CAST: variants seen among roughly 807,000 people sequenced by gnomAD.
CAST encodes the protein calpastatin.
In CAST, 76 loss-of-function variants were observed where a neutral mutation model predicts 119.6. The ratio of observed to expected loss-of-function variants is 0.64; its 90% CI spans 0.53 to 0.77. The LOEUF is 0.77. CAST is among the 30% of genes least tolerant of loss of function. The pLI, the probability that CAST is intolerant of heterozygous loss-of-function variation, is 0.00. For missense variants in CAST, 953 were observed against 946.5 expected (o/e 1.01, Z -0.09); for synonymous variants, 319 against 331.6 (o/e 0.96, Z 0.41).
chr5:96,766,289 C>T lies in CAST; in HGVS notation c.2130+144C>T, dbSNP rs73138691. ...ACTGCTTCTAATGTGTCACCAAAGCCGACCAGCAGGTAAATATTTATTTGA... is the reference window on the plus strand; with the variant it reads ...ACTGCTTCTAATGTGTCACCAAAGCTGACCAGCAGGTAAATATTTATTTGA... On this transcript the variant is annotated intron_variant, in intron 27 of 31. Transcript: ENST00000675179. The T allele has an allele frequency of 3.8e-3, 2,132 of 555,032 alleles. 24 individuals carry two copies. The highest frequency in any genetic ancestry group is 0.036 in the African/African-American group (1,884 of 52,246). The allele number at this position is 555,032 out of a possible 1,614,324, so 34.4% of individuals were successfully genotyped here.
chr5:96,196,461 G>A, the CAST span, among the ~76,000 whole-genome samples: 1 of 152,168 alleles, frequency 6.6e-6, no homozygotes, highest in South Asian at 2.1e-4. Flanking sequence ...TCTAATAAGG[G>A]GAAAATGATA....
the CAST span, among the ~76,000 whole-genome samples, chr5:96,125,006 A>C: frequency 2.0e-5 from 3 of 152,142 alleles, no homozygotes; most frequent in Non-Finnish European, 4.4e-5. Context: ...AATTTTTAAA[A>C]GAGTAGCCCG....
At chr5:96,530,241 TG>T (rs1232547945) in intron 1 of CAST, among the ~76,000 whole-genome samples, 2 of 151,720 alleles carry the variant, frequency 1.3e-5, no homozygotes, top group Non-Finnish European at 2.9e-5. Flanking sequence ...GGAGGAGGCT[TG>T]TAAATGGAGA....
chr5:96,282,112 G>A, the CAST span, among the ~76,000 whole-genome samples: 1 of 146,560 alleles, frequency 6.8e-6, no homozygotes, highest in African/African-American at 2.5e-5. Flanking sequence ...GAGCCGGAAA[G>A]GTAACATACG....
chr5:96,413,309 G>C, the CAST span, among the ~76,000 whole-genome samples: 1 of 152,184 alleles, frequency 6.6e-6, no homozygotes, highest in Non-Finnish European at 1.5e-5. Flanking sequence ...TCAGACTTAT[G>C]AATTCAAGAG....
chr5:96,569,900 G>A (rs1452934365), intron 1 of CAST, among the ~76,000 whole-genome samples: 1 of 152,168 alleles, frequency 6.6e-6, no homozygotes, highest in African/African-American at 2.4e-5. Context: ...GATTCGGCAG[G>A]GGTTTAACAT....
Position 96,729,171 on chromosome 5 carries a change from A to G in CAST, c.397A>G (p.Lys133Glu). ...QSTKLSVVHE[K>E]KSQEGKPKEH... ...TTGACAGCTGTCTGTGGTTCATGAGAAAAAATCCCAAGAAGGAAAGCCAAA... is the reference window on the plus strand; with the variant it reads ...TTGACAGCTGTCTGTGGTTCATGAGGAAAAATCCCAAGAAGGAAAGCCAAA... The change falls in exon 7 of 32, where the codon AAA becomes GAA. Residue 133 changes from lysine (K) to glutamate (E), a missense_variant. Lys to Glu is a moderately conservative substitution (Grantham distance 56). Transcript: ENST00000675179. 6.2e-7 allele frequency: 1 copy of G among 1,601,910 alleles called. No individual in the cohort carries two copies. Among genetic ancestry groups the G allele is most frequent in the Non-Finnish European group, 8.5e-7 (1 of 1,169,762 alleles).
intron 1 of CAST, among the ~76,000 whole-genome samples, chr5:96,627,696 T>C (rs556019591): frequency 4.6e-5 from 7 of 152,186 alleles, no homozygotes; most frequent in Non-Finnish European, 1.0e-4. Flanking sequence ...ATAAATGTCT[T>C]TACACTCTCC....
At chr5:96,231,721 ATTGT>A in the CAST span, among the ~76,000 whole-genome samples, 2 of 152,250 alleles carry the variant, frequency 1.3e-5, no homozygotes, top group African/African-American at 2.4e-5. Context: ...GTAATACTTT[ATTGT>A]TTATTATCTT....
At chr5:96,446,125 C>T in the CAST span, among the ~76,000 whole-genome samples, 5 of 148,912 alleles carry the variant, frequency 3.4e-5, no homozygotes, top group African/African-American at 1.3e-4. Flanking sequence ...CTTTAAAGTG[C>T]TGCGATTACA....
At chr5:96,222,110 A>G in the CAST span, among the ~76,000 whole-genome samples, 4 of 152,200 alleles carry the variant, frequency 2.6e-5, no homozygotes, top group Non-Finnish European at 5.9e-5. Context: ...GAATCAACCC[A>G]AGATGGATTA....
the CAST span, among the ~76,000 whole-genome samples, chr5:96,141,571 C>A: frequency 2.6e-5 from 4 of 152,210 alleles, no homozygotes; most frequent in Non-Finnish European, 5.9e-5. Flanking sequence ...AACGCGGACA[C>A]CCACACCATG....
chr5:96,020,408 C>T, the CAST span, among the ~76,000 whole-genome samples: 1 of 152,162 alleles, frequency 6.6e-6, no homozygotes, highest in African/African-American at 2.4e-5. Flanking sequence ...AACCCCCGGG[C>T]CACAGACACC....
chr5:96,538,014 C>G (rs1407473614), intron 1 of CAST, among the ~76,000 whole-genome samples: 1 of 152,184 alleles, frequency 6.6e-6, no homozygotes, highest in African/African-American at 2.4e-5. Context: ...CTCCACCTCT[C>G]TAGTAGGCAG....
chr5:96,763,185 G>C, intron 25 of CAST: 1 of 780,718 alleles, frequency 1.3e-6, no homozygotes, highest in Non-Finnish European at 2.4e-6. Context: ...TGTAGTCTGA[G>C]ATTCTGATGG....
the CAST span, among the ~76,000 whole-genome samples, chr5:96,146,493 T>C: frequency 6.6e-6 from 1 of 152,286 alleles, no homozygotes; most frequent in African/African-American, 2.4e-5. Flanking sequence ...CTTCAGGTGA[T>C]GCTGATGCTA....
rs186627243 is a variant in CAST, at chr5:96,774,610, C to T, written c.*1994C>T. The T allele has an allele frequency of 2.8e-3, 2,789 of 985,348 alleles. 5 individuals are homozygous for T. Among genetic ancestry groups the T allele is most frequent in the Non-Finnish European group, 3.0e-3 (2,475 of 829,794 alleles). The allele number at this position is 985,348 out of a possible 1,614,324, so 61.0% of individuals were successfully genotyped here. On this transcript the variant is annotated 3_prime_UTR_variant, in exon 32 of 32. Transcript: ENST00000675179. ...AGATAGGTTCCTCAGGTGACCAAAACTGAAAATCAATATTTCCATGTTTCA... is the reference window on the plus strand; with the variant it reads ...AGATAGGTTCCTCAGGTGACCAAAATTGAAAATCAATATTTCCATGTTTCA...
chr5:96,588,519 T>C (rs1228297311), intron 1 of CAST, among the ~76,000 whole-genome samples: 1 of 152,186 alleles, frequency 6.6e-6, no homozygotes, highest in Non-Finnish European at 1.5e-5. Context: ...ATTTTCTTCA[T>C]GCAAACATAA....
the CAST span, among the ~76,000 whole-genome samples, chr5:96,246,539 G>A: frequency 6.6e-6 from 1 of 152,168 alleles, no homozygotes; most frequent in Non-Finnish European, 1.5e-5. Flanking sequence ...AGCATTCTAA[G>A]TCCTTTATGA....
Sources: allele counts gnomAD v4.1 joint callset (sites outside exome capture counted in the v4.1 genomes callset), GRCh38; gene constraint gnomAD v4.1.1; transcripts MANE v1.5; gene names NCBI Gene and HGNC (gene_info 2026-07-23, HGNC 2026-07-21).